The following CADM2 variants were observed in gnomAD, a reference collection of about 807,000 sequenced individuals.
CADM2 encodes cell adhesion molecule 2.
CADM2 carries 12 observed loss-of-function variants against 49.8 expected under a neutral mutation model. That is an observed-to-expected ratio of 0.24 (90% CI 0.15 to 0.39). The LOEUF is 0.39. CADM2 is among the 10% of genes least tolerant of loss of function. The probability of loss-of-function intolerance (pLI) is 1.00; values close to 1 mark genes in which losing one functional copy is unlikely to be tolerated. For missense variants in CADM2, 378 were observed against 492.3 expected (o/e 0.77, Z 2.20); for synonymous variants, 214 against 175.4 (o/e 1.22, Z -1.74).
chr3:85,994,916 C>A (rs1729183667), intron 8 of CADM2, among the ~76,000 whole-genome samples: 1 of 148,952 alleles, frequency 6.7e-6, no homozygotes, highest in Non-Finnish European at 1.5e-5. Context: ...TGTCAAAATC[C>A]CCAAAATGTG....
intron 2 of CADM2, among the ~76,000 whole-genome samples, chr3:85,737,433 G>A (rs562838740): frequency 6.6e-6 from 1 of 152,268 alleles, no homozygotes; most frequent in African/African-American, 2.4e-5. Context: ...CAGGGCAGAT[G>A]AAAAGTTACT....
intron 1 of CADM2, among the ~76,000 whole-genome samples, chr3:85,265,299 A>C (rs1015436440): frequency 6.6e-6 from 1 of 151,032 alleles, no homozygotes; most frequent in Non-Finnish European, 1.5e-5. Flanking sequence ...ATCAAGGAAT[A>C]TTTTTTTTTG....
chr3:85,669,197 T>TA (rs146833316), intron 1 of CADM2, among the ~76,000 whole-genome samples: 21,131 of 151,152 alleles, frequency 0.14, 1,545 homozygotes, highest in African/African-American at 0.15. Flanking sequence ...ATTGGTAAGA[T>TA]AAAAAAAAAT....
At chr3:86,062,632 T>G (rs546628795) in intron 8 of CADM2, among the ~76,000 whole-genome samples, 1 of 148,452 alleles carries the variant, frequency 6.7e-6, no homozygotes, top group African/African-American at 2.5e-5. Flanking sequence ...ATACAAAAAT[T>G]AGCCGAGGCT....
intron 2 of CADM2, 35 bp from the exon 3 acceptor site, chr3:85,802,012 T>G: frequency 6.4e-7 from 1 of 1,552,434 alleles, no homozygotes; most frequent in Non-Finnish European, 8.7e-7. Flanking sequence ...TTTATGACTT[T>G]CATTTAATCA....
At chr3:85,553,961 G>A (rs1411193282) in intron 1 of CADM2, among the ~76,000 whole-genome samples, 3 of 152,070 alleles carry the variant, frequency 2.0e-5, no homozygotes, top group Non-Finnish European at 4.4e-5. Flanking sequence ...GGCATATGTT[G>A]GAATAAAAAT....
chr3:85,876,684 G>A (rs1385978219), intron 3 of CADM2, among the ~76,000 whole-genome samples: 4 of 152,248 alleles, frequency 2.6e-5, no homozygotes, highest in Non-Finnish European at 1.5e-5. Context: ...CAAGGAGTAT[G>A]TGATCACCTT....
intron 1 of CADM2, among the ~76,000 whole-genome samples, chr3:85,476,897 A>AACACACACACAC (rs35319709): frequency 6.9e-6 from 1 of 145,910 alleles, no homozygotes; most frequent in African/African-American, 2.5e-5. Context: ...AAAGATTTTA[A>AACACACACACAC]ACACACACAC....
chr3:85,881,524 G>A, intron 3 of CADM2, among the ~76,000 whole-genome samples: 1 of 152,156 alleles, frequency 6.6e-6, no homozygotes, highest in East Asian at 1.9e-4. Flanking sequence ...CTAAGAAGCA[G>A]TTGCCCTGTT....
chr3:85,418,202 A>T (rs2036000849), intron 1 of CADM2, among the ~76,000 whole-genome samples: 1 of 124,652 alleles, frequency 8.0e-6, no homozygotes, highest in Non-Finnish European at 1.8e-5. Context: ...CTGCATAATA[A>T]AGTAATGGTA....
chr3:84,997,702 GA>G (rs1374582127), intron 1 of CADM2, among the ~76,000 whole-genome samples: 1 of 151,608 alleles, frequency 6.6e-6, no homozygotes, highest in Non-Finnish European at 1.5e-5. Context: ...TTTTATATAT[GA>G]ATATCAAAAA....
chr3:84,992,713 A>G (rs1272790612), intron 1 of CADM2, among the ~76,000 whole-genome samples: 3 of 152,156 alleles, frequency 2.0e-5, no homozygotes, highest in African/African-American at 7.2e-5. Context: ...TAGTACCTCA[A>G]ATCGTATTAT....
At chr3:85,499,405 T>C (rs2040027320) in intron 1 of CADM2, among the ~76,000 whole-genome samples, 1 of 152,076 alleles carries the variant, frequency 6.6e-6, no homozygotes, top group South Asian at 2.1e-4. Context: ...TCTACTATTT[T>C]GACACTCAAA....
At chr3:85,000,036 C>T (rs1559609939) in intron 1 of CADM2, among the ~76,000 whole-genome samples, 2 of 151,524 alleles carry the variant, frequency 1.3e-5, no homozygotes, top group African/African-American at 4.8e-5. Flanking sequence ...CGATATTTAC[C>T]GTGATTGGGA....
chr3:85,189,694 C>T (rs1472701606), intron 1 of CADM2, among the ~76,000 whole-genome samples: 1 of 152,090 alleles, frequency 6.6e-6, no homozygotes, highest in Non-Finnish European at 1.5e-5. Flanking sequence ...TTTGATAATT[C>T]TGTGAGTCAT....
chr3:85,749,111 C>A (rs763887827), intron 2 of CADM2, among the ~76,000 whole-genome samples: 1 of 151,626 alleles, frequency 6.6e-6, no homozygotes, highest in Non-Finnish European at 1.5e-5. Flanking sequence ...CACAATACTC[C>A]TTATCATTAG....
chr3:85,094,480 G>A (rs943261327), intron 1 of CADM2, among the ~76,000 whole-genome samples: 3 of 152,216 alleles, frequency 2.0e-5, no homozygotes, highest in Non-Finnish European at 2.9e-5. Flanking sequence ...GTAAGAGGTG[G>A]TAAAGAGCAA....
chr3:85,489,056 C>T (rs796542328), intron 1 of CADM2, among the ~76,000 whole-genome samples: 13 of 152,052 alleles, frequency 8.5e-5, no homozygotes, highest in African/African-American at 3.1e-4. Context: ...AATTCCTACC[C>T]AAGTGTCACA....
chr3:85,099,964 T>C (rs2037949972), intron 1 of CADM2, among the ~76,000 whole-genome samples: 2 of 152,206 alleles, frequency 1.3e-5, no homozygotes, highest in Non-Finnish European at 2.9e-5. Flanking sequence ...TTTTATTTAT[T>C]CCATACTGTT....
Sources: allele counts gnomAD v4.1 joint callset (sites outside exome capture counted in the v4.1 genomes callset), GRCh38; gene constraint gnomAD v4.1.1; transcripts MANE v1.5; gene names NCBI Gene and HGNC (gene_info 2026-07-23, HGNC 2026-07-21).